Variants in PITPNC1 observed in about 807,000 individuals in gnomAD.
PITPNC1 encodes the protein cytoplasmic phosphatidylinositol transfer protein 1.
PITPNC1 carries 18 observed loss-of-function variants against 44.7 expected under a neutral mutation model. The ratio of observed to expected loss-of-function variants is 0.40; its 90% confidence interval spans 0.28 to 0.60. The LOEUF (loss-of-function observed/expected upper bound fraction) is 0.60. Among genes scored for constraint, PITPNC1 ranks in the 20% least tolerant of loss-of-function variants. PITPNC1 has a pLI of 0.39. For synonymous variants in PITPNC1, 141 were observed against 149.6 expected (o/e 0.94, Z 0.42); for missense variants, 290 against 418.4 (o/e 0.69, Z 2.68).
intron 4 of PITPNC1, among the ~76,000 whole-genome samples, chr17:67,555,129 G>A (rs1221436169): frequency 6.6e-6 from 1 of 152,122 alleles, no homozygotes; most frequent in African/African-American, 2.4e-5. Flanking sequence ...TTTAGAAGCA[G>A]GGGAACCTTT....
chr17:67,453,490 C>T (rs2039212712), intron 1 of PITPNC1, among the ~76,000 whole-genome samples: 1 of 152,238 alleles, frequency 6.6e-6, no homozygotes, highest in South Asian at 2.1e-4. Flanking sequence ...GAATTATTCT[C>T]ATCAATACCG....
chr17:67,431,685 T>A (rs1226166104), intron 1 of PITPNC1, among the ~76,000 whole-genome samples: 2 of 152,170 alleles, frequency 1.3e-5, no homozygotes, highest in Non-Finnish European at 2.9e-5. Context: ...TGGCCTTGAA[T>A]ACTAATATAG....
chr17:67,495,144 C>T (rs534586255), intron 1 of PITPNC1, among the ~76,000 whole-genome samples: 2 of 145,174 alleles, frequency 1.4e-5, no homozygotes, highest in East Asian at 4.2e-4. Flanking sequence ...GCAAGCTCCG[C>T]CTCCCGGGTT....
Position 67,470,868 on chromosome 17 carries a change from C to T in PITPNC1, c.49-61934C>T, listed in dbSNP as rs377514335. On this transcript the variant is annotated intron_variant, in intron 1 of 8. Coordinates refer to ENST00000581322, the MANE Select transcript of PITPNC1 (RefSeq NM_012417.4). ...TTTTGTTCTGCACTAAGAAAAATTCCTCTGCCTTGGGATCCTGTTGATCTG... is the reference window on the plus strand; with the variant it reads ...TTTTGTTCTGCACTAAGAAAAATTCTTCTGCCTTGGGATCCTGTTGATCTG... Among the ~76,000 whole-genome samples the T allele has an allele frequency of 9.7e-4, 135 of 138,914 alleles. 1 individual carries two copies. In the East Asian group the frequency reaches 0.027, roughly 27 times the overall value. 91.1% of individuals were successfully genotyped at this position (138,914 alleles called of 152,430 possible). A position where few individuals can be genotyped will look rare whatever the true frequency, so the allele number is the denominator to read the frequency against.
At chr17:67,467,248 T>C (rs1260371627) in intron 1 of PITPNC1, among the ~76,000 whole-genome samples, 3 of 151,924 alleles carry the variant, frequency 2.0e-5, no homozygotes, top group Non-Finnish European at 4.4e-5. Context: ...GAGATGGGGT[T>C]TCACCATGTT....
chr17:67,479,869 C>T (rs555847004), intron 1 of PITPNC1, among the ~76,000 whole-genome samples: 7 of 152,136 alleles, frequency 4.6e-5, no homozygotes, highest in Non-Finnish European at 1.0e-4. Flanking sequence ...AATGGTCTGC[C>T]TCAGTACTTT....
At chr17:67,627,729 C>T (rs2249639) in intron 5 of PITPNC1, among the ~76,000 whole-genome samples, 2,098 of 152,288 alleles carry the variant, frequency 0.014, 45 homozygotes, top group African/African-American at 0.047. Context: ...GTGAAGCCTA[C>T]AGACTTGCCC....
chr17:67,505,623 T>C (rs772556816), intron 1 of PITPNC1, among the ~76,000 whole-genome samples: 1 of 152,178 alleles, frequency 6.6e-6, no homozygotes, highest in Non-Finnish European at 1.5e-5. Context: ...CTAAACTATC[T>C]CCTATAGACA....
chr17:67,508,025 AAGTTATT>A lies in PITPNC1; in HGVS notation c.49-24776_49-24770del. ...TCCCCGGAATCCTTAACCTCACAGG[AAGTTATT>A]TTTTCCAAAGCCTGCTCCTCCTCCT... On this transcript the variant is annotated intron_variant, in intron 1 of 8. Transcript: ENST00000581322. This position sits in a 1 kb window ranked among gnomAD's most constrained non-coding sequence, Gnocchi z 4.2. Among the ~76,000 whole-genome samples the A allele has an allele frequency of 6.6e-6, 1 of 152,246 alleles. No homozygotes were observed. Among genetic ancestry groups the A allele is most frequent in the Middle Eastern group, 3.4e-3 (1 of 294 alleles).
chr17:67,483,545 G>T (rs1467597743), intron 1 of PITPNC1, among the ~76,000 whole-genome samples: 1 of 152,188 alleles, frequency 6.6e-6, no homozygotes, highest in Admixed American at 6.5e-5. Context: ...TCAACATTAA[G>T]ATGCGTTGCC....
At chr17:67,399,787 T>G (rs1175037950) in intron 1 of PITPNC1, among the ~76,000 whole-genome samples, 1 of 152,222 alleles carries the variant, frequency 6.6e-6, no homozygotes, top group Middle Eastern at 3.2e-3. Context: ...ATGAAACACC[T>G]TTGCATTTTA....
At chr17:67,647,633 A>G (rs1341877341) in intron 6 of PITPNC1, among the ~76,000 whole-genome samples, 1 of 150,794 alleles carries the variant, frequency 6.6e-6, no homozygotes, top group Non-Finnish European at 1.5e-5. Flanking sequence ...TTTAAAAAGA[A>G]AAAAAAAAGC....
intron 5 of PITPNC1, among the ~76,000 whole-genome samples, chr17:67,593,829 G>A (rs2041425020): frequency 6.6e-6 from 1 of 152,154 alleles, no homozygotes; most frequent in Non-Finnish European, 1.5e-5. Flanking sequence ...CACTGGCTCT[G>A]CAGTTGTTTC....
intron 5 of PITPNC1, among the ~76,000 whole-genome samples, chr17:67,592,077 A>T (rs73994902): frequency 6.4e-4 from 97 of 152,228 alleles, no homozygotes; most frequent in African/African-American, 2.3e-3. Context: ...ACTAAAGATA[A>T]AAGAATTTTG....
intron 8 of PITPNC1, among the ~76,000 whole-genome samples, chr17:67,687,466 G>T (rs76253357): frequency 3.3e-5 from 5 of 152,204 alleles, no homozygotes; most frequent in Non-Finnish European, 7.3e-5. Context: ...AAAACGGCCT[G>T]CACCATAAAA....
intron 1 of PITPNC1, among the ~76,000 whole-genome samples, chr17:67,507,206 G>T (rs2040116381): frequency 6.6e-6 from 1 of 152,158 alleles, no homozygotes. Context: ...GAGCAGAGAA[G>T]CCACGCTGAG....
At chr17:67,651,973 G>C (rs187832070) in intron 6 of PITPNC1, among the ~76,000 whole-genome samples, 47 of 152,278 alleles carry the variant, frequency 3.1e-4, no homozygotes, top group Admixed American at 9.2e-4. Flanking sequence ...GAAGTTCCAG[G>C]ATGGAGAGAA....
chr17:67,553,769 T>C (rs554119917), intron 4 of PITPNC1, among the ~76,000 whole-genome samples, 152 bp downstream of exon 4: 22 of 152,374 alleles, frequency 1.4e-4, no homozygotes, highest in Middle Eastern at 3.4e-3. Flanking sequence ...TGCATCGTTA[T>C]ATATAATGCA....
At chr17:67,682,186 T>G (rs2042721543) in intron 8 of PITPNC1, among the ~76,000 whole-genome samples, 1 of 151,774 alleles carries the variant, frequency 6.6e-6, no homozygotes, top group African/African-American at 2.4e-5. Context: ...GGGGACAGAG[T>G]GAGACTCTGT....
Sources: allele counts gnomAD v4.1 joint callset (sites outside exome capture counted in the v4.1 genomes callset), GRCh38; gene constraint gnomAD v4.1.1; non-coding constraint Gnocchi (gnomAD v3.1); transcripts MANE v1.5; gene names NCBI Gene and HGNC (gene_info 2026-07-23, HGNC 2026-07-21).